RPH3A: variants seen among roughly 807,000 people sequenced by gnomAD.
RPH3A encodes rabphilin-3A.
In RPH3A, 48 loss-of-function variants were observed where a neutral mutation model predicts 102.2. The ratio of observed to expected loss-of-function variants is 0.47; its 90% confidence interval spans 0.37 to 0.60. RPH3A has a LOEUF of 0.60. Among genes scored for constraint, RPH3A ranks in the 20% least tolerant of loss-of-function variants. The pLI is 0.00. For missense variants in RPH3A, 781 were observed against 910.1 expected, an observed-to-expected ratio of 0.86 and a Z score of 1.83; for synonymous variants, 310 against 324.3, an observed-to-expected ratio of 0.96 and a Z score of 0.47.
At chr12:112,673,461 G>A (rs1196793325) in intron 1 of RPH3A, among the ~76,000 whole-genome samples, 3 of 151,922 alleles carry the variant, frequency 2.0e-5, no homozygotes, top group Non-Finnish European at 4.4e-5. Context: ...CTCTGGAGTA[G>A]CTGGGACTAC....
chr12:112,754,675 T>G (rs1332307303), intron 1 of RPH3A, among the ~76,000 whole-genome samples: 1 of 152,214 alleles, frequency 6.6e-6, no homozygotes, highest in African/African-American at 2.4e-5. Context: ...GGGAAGAATC[T>G]AATTACCCAA....
At chr12:112,891,982 T>C (rs2136269681) in intron 19 of RPH3A, among the ~76,000 whole-genome samples, 1 of 152,316 alleles carries the variant, frequency 6.6e-6, no homozygotes, top group South Asian at 2.1e-4. Flanking sequence ...AGTTTCTTCA[T>C]TGGTAAAATG....
At chr12:112,796,928 C>T (rs1349959053) in intron 2 of RPH3A, among the ~76,000 whole-genome samples, 1 of 152,066 alleles carries the variant, frequency 6.6e-6, no homozygotes, top group Non-Finnish European at 1.5e-5. Flanking sequence ...TGTGTGCCTG[C>T]AACCCCAGCT....
intron 1 of RPH3A, among the ~76,000 whole-genome samples, chr12:112,748,624 C>T (rs144695900): frequency 5.9e-5 from 9 of 152,272 alleles, no homozygotes; most frequent in Non-Finnish European, 1.2e-4. Context: ...TATGAGCCAC[C>T]ATGCCTGGCC....
intron 1 of RPH3A, among the ~76,000 whole-genome samples, chr12:112,691,823 C>T (rs1274587854): frequency 1.3e-5 from 2 of 152,204 alleles, no homozygotes; most frequent in South Asian, 2.1e-4. Context: ...TGCAATATGT[C>T]ATTGAGTTCT....
At position 112,692,183 on chromosome 12, in the gene RPH3A, G is replaced by C. The variant is rs148012670; in HGVS notation, c.-139-99960G>C. The stretch of plus-strand genomic sequence containing the variant: ...TAGAGGCTGGGAAGCGTAGGGGAAA[G>C]ATGGAGATGGGGAGAGATTTGTTAA... On this transcript the variant is annotated intron_variant, in intron 1 of 21. Coordinates refer to the RPH3A transcript ENST00000543106. Among the ~76,000 whole-genome samples, 708 of 152,320 alleles carry C rather than the reference G, an allele frequency of 4.6e-3. 6 individuals carry two copies. Among genetic ancestry groups the C allele is most frequent in the African/African-American group, 0.016 (670 of 41,578 alleles).
At chr12:112,776,873 C>CAAAAAAAAAAAAAAAAAAAAA in intron 1 of RPH3A, among the ~76,000 whole-genome samples, 1 of 73,910 alleles carries the variant, frequency 1.4e-5, no homozygotes, top group Non-Finnish European at 2.5e-5. Flanking sequence ...GACTCCATCT[C>CAAAAAAAAAAAAAAAAAAAAA]AAAAAAAAAA....
chr12:112,731,802 TG>T (rs914371051), intron 1 of RPH3A, among the ~76,000 whole-genome samples: 1 of 152,238 alleles, frequency 6.6e-6, no homozygotes, highest in African/African-American at 2.4e-5. Context: ...TTTTCTTTTT[TG>T]GTCCCAAAGA....
intron 1 of RPH3A, among the ~76,000 whole-genome samples, chr12:112,623,157 G>C (rs1156262839): frequency 6.8e-6 from 1 of 146,100 alleles, no homozygotes; most frequent in Non-Finnish European, 1.5e-5. Flanking sequence ...CAACTAACGA[G>C]CAAAATAACC....
intron 1 of RPH3A, among the ~76,000 whole-genome samples, chr12:112,624,525 A>AT (rs2039757540): frequency 6.7e-6 from 1 of 150,026 alleles, no homozygotes. Flanking sequence ...GAATCTCTGA[A>AT]TAGACCAATA....
At chr12:112,759,076 C>T (rs2040837901) in intron 1 of RPH3A, among the ~76,000 whole-genome samples, 1 of 152,190 alleles carries the variant, frequency 6.6e-6, no homozygotes, top group Non-Finnish European at 1.5e-5. Context: ...TTCTATAGCC[C>T]CATCCTGTTT....
chr12:112,668,732 G>T (rs1172436917), intron 1 of RPH3A, among the ~76,000 whole-genome samples: 1 of 151,764 alleles, frequency 6.6e-6, no homozygotes, highest in Non-Finnish European at 1.5e-5. Context: ...CTAGATGATG[G>T]GTTAATAGGT....
At chr12:112,671,840 G>A (rs2040132957) in intron 1 of RPH3A, among the ~76,000 whole-genome samples, 1 of 151,058 alleles carries the variant, frequency 6.6e-6, no homozygotes, top group South Asian at 2.1e-4. Context: ...CAGAAAAACA[G>A]AACCAATAGG....
At chr12:112,699,856 G>A (rs1410653784) in intron 1 of RPH3A, among the ~76,000 whole-genome samples, 1 of 152,142 alleles carries the variant, frequency 6.6e-6, no homozygotes, top group Non-Finnish European at 1.5e-5. Context: ...GGGTTTTCTG[G>A]CTTTTTTCTT....
chr12:112,592,468 G>A (rs550946151), intron 1 of RPH3A, among the ~76,000 whole-genome samples: 5 of 152,166 alleles, frequency 3.3e-5, no homozygotes, highest in South Asian at 4.1e-4. Flanking sequence ...ACGGGCACAC[G>A]CCACCATGCC....
chr12:112,757,403 G>T (rs2136064512), intron 1 of RPH3A, among the ~76,000 whole-genome samples: 1 of 152,304 alleles, frequency 6.6e-6, no homozygotes, highest in East Asian at 1.9e-4. Context: ...TTCAATGGGA[G>T]TGGAGGACTA....
intron 1 of RPH3A, among the ~76,000 whole-genome samples, chr12:112,743,238 G>T (rs1404374608): frequency 6.6e-6 from 1 of 152,196 alleles, no homozygotes; most frequent in Non-Finnish European, 1.5e-5. Flanking sequence ...GGGTGGGTGG[G>T]GAGGAGCAGC....
At chr12:112,832,618 T>G (rs1345326612) in intron 3 of RPH3A, among the ~76,000 whole-genome samples, 3 of 152,018 alleles carry the variant, frequency 2.0e-5, no homozygotes, top group African/African-American at 7.2e-5. Context: ...AAGGCAGGAG[T>G]ATCACTTAAG....
At position 112,678,298 on chromosome 12, in the gene RPH3A, A is replaced by AG. The variant is rs1491093688; in HGVS notation, c.-140+102979_-140+102980insG. ...GAAAGAAAGAAAGAAAGAAAGAAAG[A>AG]AAGAAAGAGAGAGAGAGAGAAAGAA... On this transcript the variant is annotated intron_variant, in intron 1 of 21. Coordinates refer to the RPH3A transcript ENST00000543106. Among the ~76,000 whole-genome samples the AG allele has an allele frequency of 7.8e-3, 611 of 78,256 alleles. 28 individuals are homozygous for AG. Among genetic ancestry groups the AG allele is most frequent in the Middle Eastern group, 0.019 (3 of 158 alleles). 51.3% of individuals were successfully genotyped at this position (78,256 alleles called of 152,430 possible). A position where few individuals can be genotyped will look rare whatever the true frequency, so the allele number is the denominator to read the frequency against.
Sources: allele counts gnomAD v4.1 joint callset (sites outside exome capture counted in the v4.1 genomes callset), GRCh38; gene constraint gnomAD v4.1.1; transcripts MANE v1.5; gene names NCBI Gene and HGNC (gene_info 2026-07-23, HGNC 2026-07-21).